The following PAMR1 variants were observed in gnomAD, a reference collection of about 807,000 sequenced individuals.
PAMR1 encodes inactive serine protease PAMR1.
PAMR1 carries 88 observed loss-of-function variants against 81.8 expected under a neutral mutation model. The ratio of observed to expected loss-of-function variants is 1.08; its 90% confidence interval spans 0.91 to 1.28. The LOEUF is 1.28. Ranked by LOEUF, PAMR1 falls within the 50% of genes most tolerant of loss-of-function variation. PAMR1 has a pLI of 0.00. For synonymous variants in PAMR1, 336 were observed against 345.3 expected, an observed-to-expected ratio of 0.97 and a Z score of 0.30; for missense variants, 935 against 919.7, an observed-to-expected ratio of 1.02 and a Z score of -0.21.
upstream of PAMR1, chr11:35,529,126 T>C (rs532968710): frequency 2.0e-5 from 3 of 152,372 alleles, no homozygotes; most frequent in South Asian, 2.1e-4. Flanking sequence ...TTCATATTGA[T>C]AGAGTTTAGT....
Position 35,436,058 on chromosome 11 carries a change from G to A in PAMR1, c.1178C>T (p.Ala393Val). The change falls in exon 9 of 11, where the codon GCC becomes GTC. Residue 393 changes from alanine (A) to valine (V), a missense_variant. Coordinates refer to ENST00000619888, the MANE Select transcript of PAMR1 (RefSeq NM_001001991.3). ...KLQSAPTKKP[A>V]LPFGDLPMGY... ...CATGGGCAGATCTCCAAAGGGAAGGGCTGGCTTCTTGGTAGGGGCACTCTG... is the reference window on the plus strand; with the variant it reads ...CATGGGCAGATCTCCAAAGGGAAGGACTGGCTTCTTGGTAGGGGCACTCTG... The A allele has an allele frequency of 6.2e-7, 1 of 1,614,136 alleles. No individual in the cohort carries two copies. Among genetic ancestry groups the A allele is most frequent in the Non-Finnish European group, 8.5e-7 (1 of 1,179,986 alleles).
At chr11:35,522,854 T>A (rs2135428853) in intron 1 of PAMR1, among the ~76,000 whole-genome samples, 1 of 152,326 alleles carries the variant, frequency 6.6e-6, no homozygotes, top group Admixed American at 6.5e-5. Context: ...TTCAGGGTGG[T>A]CTGAGAATTA....
intron 1 of PAMR1, among the ~76,000 whole-genome samples, chr11:35,508,349 C>T (rs9633872): frequency 0.2 from 30,046 of 151,850 alleles, 3,092 homozygotes; most frequent in East Asian, 0.28. Flanking sequence ...ACCATCTGCT[C>T]AGAGTTTTTT....
intron 1 of PAMR1, among the ~76,000 whole-genome samples, chr11:35,507,558 T>A (rs1850988000): frequency 6.6e-6 from 1 of 152,254 alleles, no homozygotes; most frequent in East Asian, 1.9e-4. Flanking sequence ...TGAGATTCTC[T>A]AAAACTGCTA....
At chr11:35,474,123 C>T (rs776498138) in intron 4 of PAMR1, among the ~76,000 whole-genome samples, 28 of 152,156 alleles carry the variant, frequency 1.8e-4, no homozygotes, top group African/African-American at 5.6e-4. Flanking sequence ...ACAACATTTG[C>T]GAAGGCCCTA....
At chr11:35,504,592 T>C (rs1251491439) in intron 1 of PAMR1, among the ~76,000 whole-genome samples, 1 of 152,126 alleles carries the variant, frequency 6.6e-6, no homozygotes, top group African/African-American at 2.4e-5. Context: ...CTCTATTTCT[T>C]CCTGGTTCAA....
chr11:35,497,772 A>G lies in PAMR1; in HGVS notation c.74-3500T>C, dbSNP rs182911689. 2.6e-5 allele frequency among the ~76,000 whole-genome samples: 4 copies of G among 152,356 alleles called. No individual in the cohort carries two copies. The East Asian group carries it at 7.7e-4, about 29-fold the overall frequency. On this transcript the variant is annotated intron_variant, in intron 1 of 10. Transcript: ENST00000619888. Reference sequence around the variant, plus strand: ...ATAACATGTCACTGTACTGATATTTATTACTGTACTACATTATAACATTCA... The same window carrying G: ...ATAACATGTCACTGTACTGATATTTGTTACTGTACTACATTATAACATTCA...
chr11:35,527,593 C>G (rs1851413076), upstream of PAMR1, among the ~76,000 whole-genome samples: 1 of 152,156 alleles, frequency 6.6e-6, no homozygotes, highest in South Asian at 2.1e-4. Flanking sequence ...GGGAGGTTCA[C>G]CTTGTTGCTG....
upstream of PAMR1, among the ~76,000 whole-genome samples, chr11:35,527,056 G>C (rs937305184): frequency 6.6e-6 from 1 of 152,142 alleles, no homozygotes; most frequent in Non-Finnish European, 1.5e-5. Context: ...GAGGAAGGTA[G>C]AATCTGTAAA....
chr11:35,522,169 G>A (rs937952210), intron 1 of PAMR1, among the ~76,000 whole-genome samples: 9 of 152,062 alleles, frequency 5.9e-5, no homozygotes, highest in East Asian at 1.9e-4. Flanking sequence ...TGATCTGCCC[G>A]CCCTGGCCTC....
intron 6 of PAMR1, among the ~76,000 whole-genome samples, chr11:35,455,988 C>CA (rs1037839182): frequency 6.6e-6 from 1 of 151,660 alleles, no homozygotes; most frequent in Non-Finnish European, 1.5e-5. Context: ...CTTTTTCAAT[C>CA]AAAAAAGAGA....
rs1856530025 is a variant in PAMR1 at position 35,456,240 on chromosome 11, C to G, written c.820+11761G>C. On this transcript the variant is annotated intron_variant, in intron 6 of 10. Transcript: ENST00000619888. ...AGGATAAGTTGTGAACCAATGAATACAGTAAAGGTAACCATGGGTCCTTAG... is the reference window on the plus strand; with the variant it reads ...AGGATAAGTTGTGAACCAATGAATAGAGTAAAGGTAACCATGGGTCCTTAG... Among the ~76,000 whole-genome samples, 3 of 152,042 alleles carry G rather than the reference C, an allele frequency of 2.0e-5. No homozygotes were observed. The South Asian group carries it at 6.2e-4, about 32-fold the overall frequency.
chr11:35,433,685 G>A (rs572296095), intron 10 of PAMR1, among the ~76,000 whole-genome samples: 1 of 152,266 alleles, frequency 6.6e-6, no homozygotes, highest in South Asian at 2.1e-4. Context: ...GCACATTGTG[G>A]GGGCTTAACA....
intron 1 of PAMR1, among the ~76,000 whole-genome samples, chr11:35,521,496 C>T (rs1010576681): frequency 1.3e-5 from 2 of 152,176 alleles, no homozygotes; most frequent in African/African-American, 4.8e-5. Context: ...ATCCAGCCTA[C>T]CTCAAGACAT....
Position 35,432,807 on chromosome 11 carries a change from C to T in PAMR1, c.1712G>A (p.Arg571His), listed in dbSNP as rs752627585. ...IAILKLLDKA[R>H]ISTRVQPICL... is the part of the protein sequence containing the mutation. The stretch of plus-strand genomic sequence containing the variant: ...GATGGGCTGGACTCGGGTGCTGATA[C>T]GGGCCTTGTCTAGGAGCTTCAGGAT... The change falls in exon 11 of 11, where the codon CGT becomes CAT. Residue 571 changes from arginine (R) to histidine (H), a missense_variant. By Grantham distance (29) the Arg-to-His change is conservative (BLOSUM62 0). Transcript: ENST00000619888. 1.4e-5 allele frequency: 23 copies of T among 1,607,632 alleles called. No individual in the cohort carries two copies. The East Asian group carries it at 3.6e-4, about 25-fold the overall frequency.
chr11:35,514,543 C>T (rs1030796596), intron 1 of PAMR1, among the ~76,000 whole-genome samples: 6 of 152,194 alleles, frequency 3.9e-5, no homozygotes, highest in African/African-American at 1.4e-4. Context: ...TGAAGGTGCC[C>T]CCAGTTGCCA....
intron 3 of PAMR1, 119 bp downstream of exon 3, chr11:35,491,926 G>T: frequency 1.2e-6 from 1 of 825,054 alleles, no homozygotes; most frequent in Non-Finnish European, 1.8e-6. Context: ...TACCTAGAAA[G>T]CCCTCTGGCT....
Position 35,432,772 on chromosome 11 carries a change from C to T in PAMR1, c.1747G>A (p.Ala583Thr), listed in dbSNP as rs1353245541. The change falls in exon 11 of 11, where the codon GCC becomes ACC. Residue 583 changes from alanine (A) to threonine (T), a missense_variant. Coordinates refer to ENST00000619888, the MANE Select transcript of PAMR1 (RefSeq NM_001001991.3). Reference protein sequence around the residue: ...STRVQPICLAASRDLSTSFQE... With the variant: ...STRVQPICLATSRDLSTSFQE... ...AAGGAAGTGCTGAGATCCCGACTGG[C>T]AGCGAGGCAGATGGGCTGGACTCGG... is the stretch of plus-strand genomic sequence containing the variant. 1 of 1,613,004 alleles carries T rather than the reference C, an allele frequency of 6.2e-7. No homozygotes were observed. The highest frequency in any genetic ancestry group is 8.5e-7 in the Non-Finnish European group (1 of 1,180,032).
At chr11:35,440,266 G>A (rs572209219) in intron 7 of PAMR1, among the ~76,000 whole-genome samples, 1 of 152,280 alleles carries the variant, frequency 6.6e-6, no homozygotes, top group South Asian at 2.1e-4. Flanking sequence ...TTCCCAATCA[G>A]GCAGCCAACA....
Sources: gnomAD v4.1 joint callset for allele counts (sites outside exome capture counted in the v4.1 genomes callset) on GRCh38, gnomAD v4.1.1 for gene constraint, MANE v1.5 for transcripts, NCBI Gene and HGNC (gene_info 2026-07-23, HGNC 2026-07-21) for gene names.